Variants in CXCL13 observed in about 807,000 individuals in gnomAD.
CXCL13 encodes C-X-C motif chemokine 13.
CXCL13 carries 7 observed loss-of-function variants against 12.2 expected under a neutral mutation model. The observed-to-expected ratio is 0.57, with a 90% CI of 0.33 to 1.07. The LOEUF (loss-of-function observed/expected upper bound fraction) is 1.07. Among genes scored for constraint, CXCL13 ranks in the 50% least tolerant of loss-of-function variants. CXCL13 has a pLI of 0.04. For synonymous variants in CXCL13, 47 were observed against 42.4 expected, an observed-to-expected ratio of 1.11 and a Z score of -0.42; for missense variants, 113 against 127.4, an observed-to-expected ratio of 0.89 and a Z score of 0.55.
chr4:77,578,298 C>G (rs1422132686), intron 1 of CXCL13, among the ~76,000 whole-genome samples: 3 of 152,112 alleles, frequency 2.0e-5, no homozygotes. Flanking sequence ...AGATGATGGC[C>G]CTGTTTGCCA....
intron 1 of CXCL13, among the ~76,000 whole-genome samples, chr4:77,582,740 C>T (rs769551209): frequency 2.0e-5 from 3 of 152,160 alleles, no homozygotes; most frequent in Non-Finnish European, 2.9e-5. Flanking sequence ...TTTAAAAATG[C>T]TTCTGCTGCA....
chr4:77,511,980 T>G (rs1363022235), intron 1 of CXCL13, among the ~76,000 whole-genome samples: 1 of 152,214 alleles, frequency 6.6e-6, no homozygotes, highest in Non-Finnish European at 1.5e-5. Flanking sequence ...GAATCATTGT[T>G]GGAGCACTGT....
chr4:77,560,337 AT>A (rs1725776180), intron 1 of CXCL13, among the ~76,000 whole-genome samples: 1 of 152,156 alleles, frequency 6.6e-6, no homozygotes, highest in African/African-American at 2.4e-5. Context: ...AATCTTAGTA[AT>A]GACACTGCAA....
rs141389387 is a variant in CXCL13 at position 77,606,722 on chromosome 4, AT to A, written c.64+797del. 9.1e-3 allele frequency among the ~76,000 whole-genome samples: 1,378 copies of A among 152,244 alleles called. 18 individuals are homozygous for A. The highest frequency in any genetic ancestry group is 0.031 in the African/African-American group (1,301 of 41,528). On this transcript the variant is annotated intron_variant, in intron 1 of 3. Coordinates refer to ENST00000682537, the MANE Select transcript of CXCL13 (RefSeq NM_001371558.1). The stretch of plus-strand genomic sequence containing the variant: ...CTTCTGTTCTCAGCATGCATGTTAG[AT>A]TTTGAGCGTAATACAACCTTCTGTG...
At chr4:77,566,448 A>G (rs897510301) in intron 1 of CXCL13, among the ~76,000 whole-genome samples, 2 of 152,226 alleles carry the variant, frequency 1.3e-5, no homozygotes, top group Non-Finnish European at 2.9e-5. Context: ...TTTCAGCTCT[A>G]AAACTGTTGC....
In CXCL13 at chr4:77,522,329, G is replaced by T. The variant is rs376880546; in HGVS notation, c.-43+10541G>T. 1.4e-4 allele frequency among the ~76,000 whole-genome samples: 21 copies of T among 152,030 alleles called. No homozygotes were observed. The South Asian group carries it at 2.7e-3, about 20-fold the overall frequency. ...ATTTTGTGGGAGTCTAAGTCTCTTT[G>T]TAGGTCTCTAAGGACTTGCTTTATG... On this transcript the variant is annotated intron_variant, in intron 1 of 4. Transcript: ENST00000286758.
At chr4:77,589,658 A>G (rs1726561402) in intron 1 of CXCL13, among the ~76,000 whole-genome samples, 1 of 152,168 alleles carries the variant, frequency 6.6e-6, no homozygotes, top group African/African-American at 2.4e-5. Context: ...TGGGGGGACT[A>G]CTATCTACCA....
chr4:77,600,003 T>A (rs1726853746), intron 1 of CXCL13, among the ~76,000 whole-genome samples: 1 of 152,134 alleles, frequency 6.6e-6, no homozygotes, highest in African/African-American at 2.4e-5. Flanking sequence ...TCAAGATAAC[T>A]TCCCTGGTTT....
upstream of CXCL13, among the ~76,000 whole-genome samples, chr4:77,603,047 A>G (rs1403215306): frequency 6.6e-6 from 1 of 152,162 alleles, no homozygotes; most frequent in Non-Finnish European, 1.5e-5. Context: ...TAGTTCCTTG[A>G]CCTGGTGGTC....
chr4:77,556,258 A>T (rs1725655589), intron 1 of CXCL13, among the ~76,000 whole-genome samples: 1 of 152,240 alleles, frequency 6.6e-6, no homozygotes, highest in Non-Finnish European at 1.5e-5. Flanking sequence ...ACAATAGAAG[A>T]CTATTTCATA....
chr4:77,581,500 G>T (rs1726333003), intron 1 of CXCL13, among the ~76,000 whole-genome samples: 1 of 152,020 alleles, frequency 6.6e-6, no homozygotes, highest in Non-Finnish European at 1.5e-5. Flanking sequence ...CTGGCTCAAG[G>T]GATCTTGGGA....
At chr4:77,592,053 A>G (rs1726625863) in intron 1 of CXCL13, among the ~76,000 whole-genome samples, 1 of 152,234 alleles carries the variant, frequency 6.6e-6, no homozygotes, top group African/African-American at 2.4e-5. Context: ...TAATTGGATC[A>G]TTATCACATG....
At chr4:77,551,315 T>A (rs950355228) in intron 1 of CXCL13, among the ~76,000 whole-genome samples, 4 of 152,246 alleles carry the variant, frequency 2.6e-5, no homozygotes, top group Non-Finnish European at 5.9e-5. Context: ...GTTGGTCTAG[T>A]GGTAACAAAT....
chr4:77,596,423 A>T (rs893686127), intron 1 of CXCL13, among the ~76,000 whole-genome samples: 1 of 152,220 alleles, frequency 6.6e-6, no homozygotes, highest in African/African-American at 2.4e-5. Flanking sequence ...GGTTACTCCA[A>T]AATTAAAAAT....
Position 77,569,507 on chromosome 4 carries a change from C to T in CXCL13, c.-42-36317C>T, listed in dbSNP as rs149022028. Among the ~76,000 whole-genome samples, 418 of 152,202 alleles carry T rather than the reference C, an allele frequency of 2.7e-3. 2 individuals are homozygous for T. Among genetic ancestry groups the T allele is most frequent in the African/African-American group, 9.6e-3 (397 of 41,526 alleles). ...AAAAGCCAAATCAGGAATGTAATCCCATTCCCAACTGCCACACACACACAT... is the reference window on the plus strand; with the variant it reads ...AAAAGCCAAATCAGGAATGTAATCCTATTCCCAACTGCCACACACACACAT... On this transcript the variant is annotated intron_variant, in intron 1 of 4. Transcript: ENST00000286758.
At chr4:77,555,339 A>G (rs1373995435) in intron 1 of CXCL13, among the ~76,000 whole-genome samples, 1 of 152,072 alleles carries the variant, frequency 6.6e-6, no homozygotes, top group African/African-American at 2.4e-5. Context: ...ATAAGCTACC[A>G]AAATTAACAT....
intron 1 of CXCL13, among the ~76,000 whole-genome samples, chr4:77,571,599 C>A (rs1458658494): frequency 6.6e-6 from 1 of 151,652 alleles, no homozygotes; most frequent in Non-Finnish European, 1.5e-5. Flanking sequence ...ACGTGGAGAA[C>A]CTTTGTATCT....
At chr4:77,570,927 G>A (rs28825139) in intron 1 of CXCL13, among the ~76,000 whole-genome samples, 4,533 of 152,114 alleles carry the variant, frequency 0.03, 109 homozygotes, top group Middle Eastern at 0.048. Context: ...ACTGCAGCCC[G>A]CCATGCCTGG....
At chr4:77,515,286 G>A (rs968892321) in intron 1 of CXCL13, among the ~76,000 whole-genome samples, 11 of 152,180 alleles carry the variant, frequency 7.2e-5, no homozygotes, top group Non-Finnish European at 2.9e-5. Context: ...ACATGGCGAT[G>A]TGGGCTCTTT....
Sources: allele counts gnomAD v4.1 joint callset (sites outside exome capture counted in the v4.1 genomes callset), GRCh38; gene constraint gnomAD v4.1.1; transcripts MANE v1.5; gene names NCBI Gene and HGNC (gene_info 2026-07-23, HGNC 2026-07-21).